NELL1: variants seen among roughly 807,000 people sequenced by gnomAD.
NELL1 encodes the protein protein kinase C-binding protein NELL1.
A neutral mutation model predicts 107.4 loss-of-function variants in NELL1; 76 were observed. The observed-to-expected ratio is 0.71, with a 90% CI of 0.59 to 0.86. NELL1 has a LOEUF of 0.86. NELL1 is among the 40% of genes least tolerant of loss of function. The pLI is 0.00. For synonymous variants in NELL1, 353 were observed against 341.2 expected (o/e 1.03, Z -0.38); for missense variants, 1,024 against 1,005.5 (o/e 1.02, Z -0.25).
At chr11:21,124,276 C>T (rs987152686) in intron 13 of NELL1, among the ~76,000 whole-genome samples, 12 of 152,158 alleles carry the variant, frequency 7.9e-5, no homozygotes, top group Admixed American at 2.6e-4. Flanking sequence ...CTAAATGTTA[C>T]CTCAGTAAAT....
chr11:21,228,958 C>T (rs1349733680), intron 13 of NELL1, among the ~76,000 whole-genome samples: 1 of 151,792 alleles, frequency 6.6e-6, no homozygotes, highest in Non-Finnish European at 1.5e-5. Flanking sequence ...ACCAAAAACA[C>T]CCTCTGACAT....
At chr11:21,564,839 T>C (rs1479780233) in intron 17 of NELL1, among the ~76,000 whole-genome samples, 1 of 151,910 alleles carries the variant, frequency 6.6e-6, no homozygotes, top group African/African-American at 2.4e-5. Context: ...CATGAGATTG[T>C]CTGGAATCAT....
chr11:21,217,781 C>T (rs772942790), intron 13 of NELL1, among the ~76,000 whole-genome samples: 4 of 152,118 alleles, frequency 2.6e-5, no homozygotes, highest in African/African-American at 7.2e-5. Flanking sequence ...AGCCAGCAGA[C>T]CCCCAAACGT....
At chr11:20,905,787 A>T (rs573944278) in intron 5 of NELL1, among the ~76,000 whole-genome samples, 1 of 152,150 alleles carries the variant, frequency 6.6e-6, no homozygotes, top group Non-Finnish European at 1.5e-5. Context: ...TGAGGGATCT[A>T]TCTGTAGGAC....
At chr11:20,814,614 A>G (rs893814681) in intron 3 of NELL1, among the ~76,000 whole-genome samples, 3 of 152,222 alleles carry the variant, frequency 2.0e-5, no homozygotes, top group Non-Finnish European at 2.9e-5. Flanking sequence ...CCATGTTGCT[A>G]TAAAGGACGT....
rs1244794027 is a variant in NELL1 at position 21,489,285 on chromosome 11, TAA to T, written c.1646-45087_1646-45086del. 2.9e-5 allele frequency among the ~76,000 whole-genome samples: 4 copies of T among 139,480 alleles called. No homozygotes were observed. In the Admixed American group the frequency reaches 3.2e-4, roughly 11 times the overall value. 91.5% of individuals were successfully genotyped at this position (139,480 alleles called of 152,430 possible). On this transcript the variant is annotated intron_variant, in intron 15 of 19. Transcript: ENST00000357134. ...GAGTAGTCAGATTGAATCAGTAATA[TAA>T]AGTCTCCTAACAAAAGCCCAGGACC...
At chr11:21,382,711 T>C (rs1039456201) in intron 15 of NELL1, among the ~76,000 whole-genome samples, 1 of 151,922 alleles carries the variant, frequency 6.6e-6, no homozygotes, top group East Asian at 1.9e-4. Flanking sequence ...GTCTTTTAAA[T>C]AGATTGGCAT....
intron 15 of NELL1, among the ~76,000 whole-genome samples, chr11:21,470,020 T>G (rs1854133076): frequency 6.6e-6 from 1 of 152,078 alleles, no homozygotes; most frequent in African/African-American, 2.4e-5. Flanking sequence ...TGAAACTTGA[T>G]TAATGATATC....
chr11:20,877,803 T>C (rs951414297), intron 4 of NELL1, among the ~76,000 whole-genome samples: 3 of 152,152 alleles, frequency 2.0e-5, no homozygotes, highest in South Asian at 2.1e-4. Context: ...TTTAAAATAT[T>C]GATCGATACT....
intron 17 of NELL1, among the ~76,000 whole-genome samples, chr11:21,568,241 C>T (rs76601299): frequency 0.042 from 6,392 of 151,624 alleles, 451 homozygotes; most frequent in African/African-American, 0.14. Flanking sequence ...TATATCCAAA[C>T]GTAGAAAAGG....
At chr11:20,723,927 G>T (rs1371525606) in intron 2 of NELL1, among the ~76,000 whole-genome samples, 1 of 152,196 alleles carries the variant, frequency 6.6e-6, no homozygotes, top group Admixed American at 6.5e-5. Context: ...CATGGAAACT[G>T]CCAGGGCTTG....
At chr11:20,716,400 G>A (rs1263980936) in intron 2 of NELL1, among the ~76,000 whole-genome samples, 5 of 152,198 alleles carry the variant, frequency 3.3e-5, no homozygotes, top group Admixed American at 3.3e-4. Flanking sequence ...CTGTCTCTCA[G>A]AATCAACACA....
Position 21,089,493 on chromosome 11 carries a change from C to G in NELL1, c.1301-24096C>G, listed in dbSNP as rs550433133. On this transcript the variant is annotated intron_variant, in intron 12 of 19. Coordinates refer to ENST00000357134, the MANE Select transcript of NELL1 (RefSeq NM_006157.5). ...CAATGGTGGGCTATATATAATGAAA[C>G]AAACCCCCCTCAGTAGGATGCATAT... Among the ~76,000 whole-genome samples the G allele has an allele frequency of 3.3e-5, 5 of 152,278 alleles. No homozygotes were observed. In the South Asian group the frequency reaches 1.0e-3, roughly 32 times the overall value.
At chr11:21,020,719 C>T (rs142482528) in intron 12 of NELL1, among the ~76,000 whole-genome samples, 239 of 152,098 alleles carry the variant, frequency 1.6e-3, no homozygotes, top group African/African-American at 4.4e-3. Context: ...TCTTGCCCCT[C>T]TCCACTTTTT....
At chr11:20,762,794 C>CT (rs5790139) in intron 2 of NELL1, among the ~76,000 whole-genome samples, 38,845 of 151,836 alleles carry the variant, frequency 0.26, 5,820 homozygotes, top group African/African-American at 0.42. Context: ...ACATTTTTGT[C>CT]TTTTTTAGAG....
At chr11:21,124,486 A>G (rs1855444343) in intron 13 of NELL1, among the ~76,000 whole-genome samples, 1 of 152,190 alleles carries the variant, frequency 6.6e-6, no homozygotes, top group Admixed American at 6.5e-5. Context: ...GAAATACCTG[A>G]CACTGGGTAG....
In NELL1 at chr11:21,480,637, T is replaced by C. The variant is rs368871069; in HGVS notation, c.1646-53737T>C. Among the ~76,000 whole-genome samples, 579 of 152,284 alleles carry C rather than the reference T, an allele frequency of 3.8e-3. 6 individuals are homozygous for C. The highest frequency in any genetic ancestry group is 0.014 in the African/African-American group (571 of 41,552). On this transcript the variant is annotated intron_variant, in intron 15 of 19. Coordinates refer to ENST00000357134, the MANE Select transcript of NELL1 (RefSeq NM_006157.5). ...GAAAACTAACTGGATTTTTCTTCAA[T>C]GAATGTTTGATTTAAGCTCCTCTGC...
intron 3 of NELL1, among the ~76,000 whole-genome samples, chr11:20,845,655 A>G (rs114063070): frequency 0.013 from 1,997 of 152,292 alleles, 55 homozygotes; most frequent in African/African-American, 0.045. Context: ...GGGATAATGA[A>G]ATCTACCTTA....
intron 3 of NELL1, among the ~76,000 whole-genome samples, chr11:20,815,763 C>G (rs1390472730): frequency 3.3e-5 from 5 of 152,226 alleles, no homozygotes; most frequent in African/African-American, 1.2e-4. Flanking sequence ...CCTAGATTTT[C>G]TTCTAGGAAT....
Sources: gnomAD v4.1 joint callset for allele counts (sites outside exome capture counted in the v4.1 genomes callset) on GRCh38, gnomAD v4.1.1 for gene constraint, MANE v1.5 for transcripts, NCBI Gene and HGNC (gene_info 2026-07-23, HGNC 2026-07-21) for gene names.